The following MGAT4C variants were observed in gnomAD, a reference collection of about 807,000 sequenced individuals.
MGAT4C encodes the protein MGAT4 family member C, also known as alpha-1,3-mannosyl-glycoprotein 4-beta-N-acetylglucosaminyltransferase C.
Under a neutral mutation model 40.1 loss-of-function variants are expected in MGAT4C, and 19 were observed. That is an observed-to-expected ratio of 0.47 (90% CI 0.33 to 0.70). The LOEUF is 0.70. Ranked by LOEUF, MGAT4C falls within the 30% of genes least tolerant of loss-of-function variation. The pLI, the probability that MGAT4C is intolerant of heterozygous loss-of-function variation, is 0.02. For synonymous variants in MGAT4C, 181 were observed against 187.1 expected (o/e 0.97, Z 0.27); for missense variants, 491 against 563.2 (o/e 0.87, Z 1.30).
At chr12:86,405,467 TA>T (rs1442067253) in intron 3 of MGAT4C, among the ~76,000 whole-genome samples, 22 of 152,032 alleles carry the variant, frequency 1.4e-4, no homozygotes, top group African/African-American at 5.3e-4. Flanking sequence ...ACAATACTGA[TA>T]AAAGAAATAA....
intron 1 of MGAT4C, among the ~76,000 whole-genome samples, chr12:86,221,141 G>A (rs1950862633): frequency 6.6e-6 from 1 of 152,102 alleles, no homozygotes; most frequent in Admixed American, 6.5e-5. Flanking sequence ...GAAGCTACTT[G>A]GTTAAAACAA....
chr12:86,108,370 C>T (rs1876596344), intron 1 of MGAT4C, among the ~76,000 whole-genome samples: 1 of 152,152 alleles, frequency 6.6e-6, no homozygotes, highest in South Asian at 2.1e-4. Flanking sequence ...CACACTCCTA[C>T]ATTTAAAGAA....
chr12:86,643,417 A>G (rs1335618958), intron 2 of MGAT4C, among the ~76,000 whole-genome samples: 1 of 151,910 alleles, frequency 6.6e-6, no homozygotes, highest in Non-Finnish European at 1.5e-5. Flanking sequence ...ATTGTTCATA[A>G]TAGCCCAAAG....
At chr12:86,213,492 A>C (rs1950562149) in intron 1 of MGAT4C, among the ~76,000 whole-genome samples, 1 of 152,208 alleles carries the variant, frequency 6.6e-6, no homozygotes, top group East Asian at 1.9e-4. Context: ...TGGTGAATAA[A>C]AATAATGTAT....
At chr12:86,743,850 C>CT (rs1313075541) in intron 1 of MGAT4C, among the ~76,000 whole-genome samples, 14 of 151,588 alleles carry the variant, frequency 9.2e-5, no homozygotes, top group Non-Finnish European at 8.9e-5. Context: ...TTAAGTGTGG[C>CT]TTTTTTTCTT....
At chr12:86,064,854 G>T (rs1031831200) in intron 1 of MGAT4C, among the ~76,000 whole-genome samples, 15 of 151,956 alleles carry the variant, frequency 9.9e-5, no homozygotes, top group African/African-American at 3.6e-4. Context: ...TCAAATAGAT[G>T]CAATAAAAAA....
intron 1 of MGAT4C, among the ~76,000 whole-genome samples, chr12:86,117,703 T>A (rs930843415): frequency 2.0e-5 from 3 of 152,116 alleles, no homozygotes; most frequent in African/African-American, 7.2e-5. Context: ...AGTGGCTGAT[T>A]TCTAGAAACT....
intron 1 of MGAT4C, among the ~76,000 whole-genome samples, chr12:86,102,896 T>A (rs1049098293): frequency 5.3e-5 from 8 of 152,116 alleles, no homozygotes; most frequent in Non-Finnish European, 1.0e-4. Context: ...TTTTGCAACA[T>A]GCAATAGAGA....
intron 1 of MGAT4C, among the ~76,000 whole-genome samples, chr12:86,164,821 G>A (rs1412116359): frequency 1.3e-5 from 2 of 152,086 alleles, no homozygotes; most frequent in East Asian, 3.9e-4. Context: ...ACTTAGCAGG[G>A]CAATTTAGGC....
intron 3 of MGAT4C, among the ~76,000 whole-genome samples, chr12:86,374,464 T>A (rs929901993): frequency 9.2e-5 from 14 of 152,150 alleles, no homozygotes; most frequent in Non-Finnish European, 4.4e-5. Context: ...AAGAAACTAT[T>A]ATATTCTTTG....
At chr12:86,209,070 C>T (rs1194134409) in intron 1 of MGAT4C, among the ~76,000 whole-genome samples, 1 of 152,022 alleles carries the variant, frequency 6.6e-6, no homozygotes, top group African/African-American at 2.4e-5. Flanking sequence ...AAGAACCCTG[C>T]ATTAATAGAT....
At chr12:86,501,395 T>C (rs1215097182) in intron 2 of MGAT4C, among the ~76,000 whole-genome samples, 1 of 152,072 alleles carries the variant, frequency 6.6e-6, no homozygotes, top group African/African-American at 2.4e-5. Context: ...GTTACACAGT[T>C]AAACGCGTAC....
intron 3 of MGAT4C, among the ~76,000 whole-genome samples, chr12:86,335,951 C>T (rs1053949168): frequency 6.6e-6 from 1 of 152,112 alleles, no homozygotes; most frequent in African/African-American, 2.4e-5. Flanking sequence ...TGAAGCGTCC[C>T]ACTGCACTCT....
intron 2 of MGAT4C, among the ~76,000 whole-genome samples, chr12:86,529,894 T>G (rs1958950466): frequency 6.6e-6 from 1 of 152,024 alleles, no homozygotes; most frequent in Non-Finnish European, 1.5e-5. Flanking sequence ...AGTATTTGTA[T>G]ATTGTCTACA....
chr12:86,503,355 TATATATATGAGTTCTGCTC>T, intron 2 of MGAT4C, among the ~76,000 whole-genome samples: 1 of 17,516 alleles, frequency 5.7e-5, no homozygotes, highest in African/African-American at 2.7e-4. Context: ...TCTGCTCATA[TATATATATGAGTTCTGCTC>T]ATATATATAT....
At chr12:86,718,066 A>G (rs1950676083) in intron 2 of MGAT4C, among the ~76,000 whole-genome samples, 2 of 152,130 alleles carry the variant, frequency 1.3e-5, no homozygotes, top group African/African-American at 4.8e-5. Flanking sequence ...GGAAGGTTGT[A>G]TTCTCTATTG....
intron 2 of MGAT4C, among the ~76,000 whole-genome samples, chr12:86,681,352 T>C (rs1390306728): frequency 2.6e-5 from 4 of 152,126 alleles, no homozygotes; most frequent in East Asian, 3.9e-4. Flanking sequence ...TTATAGGCTA[T>C]AACATTTGCA....
intron 1 of MGAT4C, among the ~76,000 whole-genome samples, chr12:86,170,418 T>C (rs1029925869): frequency 6.6e-6 from 1 of 152,194 alleles, no homozygotes; most frequent in Admixed American, 6.5e-5. Context: ...ATCCTATGTT[T>C]TGATGTCATT....
At chr12:86,783,043 G>A (rs1951870794) in intron 1 of MGAT4C, among the ~76,000 whole-genome samples, 1 of 152,072 alleles carries the variant, frequency 6.6e-6, no homozygotes, top group Admixed American at 6.5e-5. Flanking sequence ...TTATCTCATA[G>A]CTTCATTACA....
Sources: allele counts gnomAD v4.1 joint callset (sites outside exome capture counted in the v4.1 genomes callset), GRCh38; gene constraint gnomAD v4.1.1; transcripts MANE v1.5; gene names NCBI Gene and HGNC (gene_info 2026-07-23, HGNC 2026-07-21).